Variants in DLG5 observed in about 807,000 individuals in gnomAD.
DLG5 encodes discs large MAGUK scaffold protein 5, also known as disks large homolog 5.
Under a neutral mutation model 189.8 loss-of-function variants are expected in DLG5, and 48 were observed. That is an observed-to-expected ratio of 0.25 (90% CI 0.20 to 0.32). DLG5 has a LOEUF of 0.32. Among genes scored for constraint, DLG5 ranks in the 10% least tolerant of loss-of-function variants. The pLI, the probability that DLG5 is intolerant of heterozygous loss-of-function variation, is 1.00. For missense variants in DLG5, 2,160 were observed against 2,544.7 expected (o/e 0.85, Z 3.25); for synonymous variants, 1,016 against 1,054.1 (o/e 0.96, Z 0.70).
intron 2 of DLG5, among the ~76,000 whole-genome samples, chr10:77,859,646 C>A (rs1705286501): frequency 6.6e-6 from 1 of 152,208 alleles, no homozygotes; most frequent in African/African-American, 2.4e-5. Flanking sequence ...TAGATACCAT[C>A]TAAGTTTGTG....
Position 77,796,687 on chromosome 10 carries a change from CTGGTT to C in DLG5, c.5165-98_5165-94del. ...ACCCCGCTCCCTGACCTCGCCCACT[CTGGTT>C]TGCCTGGGACTCCCCCAGCTTCAGC... is the stretch of plus-strand genomic sequence containing the variant. On this transcript the variant is annotated intron_variant, in intron 27 of 31. Transcript: ENST00000372391. This position sits in a 1 kb window ranked among gnomAD's most constrained non-coding sequence, Gnocchi z 5.2. The C allele has an allele frequency of 4.6e-6, 7 of 1,506,698 alleles. No individual in the cohort carries two copies. In the South Asian group the frequency reaches 8.5e-5, roughly 18 times the overall value. 93.3% of individuals were successfully genotyped at this position (1,506,698 alleles called of 1,614,324 possible). A position where few individuals can be genotyped will look rare whatever the true frequency, so the allele number is the denominator to read the frequency against.
chr10:77,824,601 G>T, intron 13 of DLG5, 125 bp from the exon 14 acceptor site: 1 of 710,566 alleles, frequency 1.4e-6, no homozygotes. Flanking sequence ...AAAGTCAGGA[G>T]TTGGCAAAGG....
At chr10:77,896,818 T>G (rs1249233461) in intron 1 of DLG5, among the ~76,000 whole-genome samples, 2 of 145,272 alleles carry the variant, frequency 1.4e-5, no homozygotes, top group East Asian at 4.2e-4. Flanking sequence ...AAATTCCATC[T>G]CAAAAAAAAA....
At chr10:77,906,140 G>C (rs940943138) in intron 1 of DLG5, among the ~76,000 whole-genome samples, 2 of 152,212 alleles carry the variant, frequency 1.3e-5, no homozygotes, top group South Asian at 4.1e-4. Context: ...ACCTGCATGA[G>C]AACCTGGGGA....
chr10:77,794,252 A>G (rs1336127196), intron 30 of DLG5, 135 bp from the exon 31 acceptor site: 2 of 714,444 alleles, frequency 2.8e-6, no homozygotes, highest in Non-Finnish European at 4.8e-6. Flanking sequence ...CTCCCCACAT[A>G]AAGCACAGCA....
intron 4 of DLG5, among the ~76,000 whole-genome samples, chr10:77,853,905 C>A (rs1051001380): frequency 1.3e-5 from 2 of 152,196 alleles, no homozygotes; most frequent in Non-Finnish European, 2.9e-5. Flanking sequence ...CCCCTTGGGC[C>A]TACCCTACAG....
At chr10:77,814,192 G>C (rs182742530) in intron 20 of DLG5, among the ~76,000 whole-genome samples, 2,531 of 151,996 alleles carry the variant, frequency 0.017, 41 homozygotes, top group Middle Eastern at 0.027. Flanking sequence ...TGGCCAGGCT[G>C]GTCTCGAACC....
intron 2 of DLG5, chr10:77,867,811 C>T: frequency 2.5e-6 from 1 of 404,888 alleles, no homozygotes; most frequent in South Asian, 1.8e-5. Flanking sequence ...GCTCAGCCCA[C>T]AGCAGTTATT....
chr10:77,809,200 A>G (rs1047928651), intron 24 of DLG5, among the ~76,000 whole-genome samples: 6 of 151,972 alleles, frequency 3.9e-5, no homozygotes, highest in Non-Finnish European at 7.4e-5. Flanking sequence ...TGAGGTCAGG[A>G]GTTTGAGACC....
In DLG5 at chr10:77,834,002, C is replaced by A. The variant is rs775471925; in HGVS notation, c.1660G>T (p.Ala554Ser). 2 of 1,609,246 alleles carry A rather than the reference C, an allele frequency of 1.2e-6. No homozygotes were observed. The highest frequency in any genetic ancestry group is 4.5e-5 in the East Asian group (2 of 44,850). ...AGGGCCTCAGCCAGCTCGCTCACCG[C>A]ACGGTCCCGCTCCCGCCTCAGGTTG... ...CDNLRRERDR[A>S]VSELAEALRS... The change falls in exon 9 of 32, where the codon GCG (alanine) becomes TCG (serine). Residue 554 changes from alanine (A) to serine (S), a missense_variant. This residue lies in a region of DLG5 where 664 missense variants were observed against 838.5 expected (regional missense o/e 0.79). Transcript: ENST00000372391.
intron 27 of DLG5, among the ~76,000 whole-genome samples, chr10:77,801,185 C>T (rs1342451940): frequency 6.6e-6 from 1 of 152,138 alleles, no homozygotes; most frequent in Non-Finnish European, 1.5e-5. Flanking sequence ...AGTTACCAAA[C>T]GCAGTCTTTA....
At chr10:77,803,051 G>A (rs933685673) in intron 27 of DLG5, among the ~76,000 whole-genome samples, 4 of 152,180 alleles carry the variant, frequency 2.6e-5, no homozygotes, top group Non-Finnish European at 5.9e-5. Context: ...ACACTGTGAG[G>A]TCTATTTTAA....
the DLG5 span, among the ~76,000 whole-genome samples, chr10:77,936,134 C>G: frequency 2.0e-5 from 3 of 152,024 alleles, no homozygotes; most frequent in Non-Finnish European, 4.4e-5. Flanking sequence ...GGCAAATATC[C>G]CAGGATTTTA....
rs554680966 is a variant in DLG5, at chr10:77,890,129, G to C, written c.305-20932C>G. On this transcript the variant is annotated intron_variant, in intron 1 of 31. Transcript: ENST00000372391. Reference sequence around the variant, plus strand: ...CCCAAAAGGTGGTGATGAGGAAAAGGGGAAACTTAGAGGCAGATTGGGGCC... The same window carrying C: ...CCCAAAAGGTGGTGATGAGGAAAAGCGGAAACTTAGAGGCAGATTGGGGCC... 8.3e-4 allele frequency among the ~76,000 whole-genome samples: 126 copies of C among 152,316 alleles called. 1 individual carries two copies. In the Middle Eastern group the frequency reaches 0.014, roughly 16 times the overall value.
In DLG5 at chr10:77,811,905, C is replaced by A; in HGVS notation, c.4322+19G>T. 6.3e-7 allele frequency: 1 copy of A among 1,597,932 alleles called. No individual in the cohort carries two copies. The highest frequency in any genetic ancestry group is 8.5e-7 in the Non-Finnish European group (1 of 1,177,512). On this transcript the variant is annotated intron_variant, in intron 22 of 31. Coordinates refer to ENST00000372391, the MANE Select transcript of DLG5 (RefSeq NM_004747.4). ...CTCTCCACCCCCAGCCCAGACGGCC[C>A]TGGGAGGCCCGCACTCACCTGGACC...
At chr10:77,876,703 A>AAGGG (rs1491242713) in intron 1 of DLG5, among the ~76,000 whole-genome samples, 2 of 62,958 alleles carry the variant, frequency 3.2e-5, no homozygotes, top group African/African-American at 4.7e-5. Flanking sequence ...GGAAGGAAGG[A>AAGGG]AGGAAGGGAG....
At chr10:77,914,362 T>C (rs1042519261) in intron 1 of DLG5, among the ~76,000 whole-genome samples, 12 of 152,140 alleles carry the variant, frequency 7.9e-5, no homozygotes, top group Non-Finnish European at 1.0e-4. Context: ...CTACCCCCAG[T>C]AGCTCCAGAG....
intron 1 of DLG5, chr10:77,912,557 T>A (rs1846255173): frequency 6.6e-6 from 1 of 151,752 alleles, no homozygotes; most frequent in Non-Finnish European, 1.5e-5. Flanking sequence ...AGAATAATTT[T>A]TCAAAAAAAA....
At chr10:77,814,593 G>A (rs1467023546) in intron 20 of DLG5, among the ~76,000 whole-genome samples, 1 of 147,224 alleles carries the variant, frequency 6.8e-6, no homozygotes, top group Non-Finnish European at 1.5e-5. Flanking sequence ...TTTATTTTTT[G>A]AGACAGAGTC....
Sources: gnomAD v4.1 joint callset for allele counts (sites outside exome capture counted in the v4.1 genomes callset) on GRCh38, gnomAD v4.1.1 for gene constraint, gnomAD v4.1.1 regional missense constraint, Gnocchi (gnomAD v3.1) non-coding constraint, MANE v1.5 for transcripts, NCBI Gene and HGNC (gene_info 2026-07-23, HGNC 2026-07-21) for gene names.